CCSER2: variants seen among roughly 807,000 people sequenced by gnomAD.
CCSER2 encodes coiled-coil serine rich protein 2.
Under a neutral mutation model 92.3 loss-of-function variants are expected in CCSER2, and 46 were observed. The ratio of observed to expected loss-of-function variants is 0.50; its 90% CI spans 0.39 to 0.64. The LOEUF is 0.64. CCSER2 is among the 30% of genes least tolerant of loss of function. The pLI is 0.00. For missense variants in CCSER2, 1,244 were observed against 1,238.9 expected (o/e 1.00, Z -0.06); for synonymous variants, 433 against 431.4 (o/e 1.00, Z -0.04).
chr10:84,464,906 G>C (rs1342573798), intron 7 of CCSER2, among the ~76,000 whole-genome samples: 3 of 152,140 alleles, frequency 2.0e-5, no homozygotes, highest in African/African-American at 7.2e-5. Context: ...AGCATTATTT[G>C]CTCGTAGGTT....
At chr10:84,484,471 G>A (rs1847682521) in intron 9 of CCSER2, among the ~76,000 whole-genome samples, 1 of 145,868 alleles carries the variant, frequency 6.9e-6, no homozygotes, top group South Asian at 2.2e-4. Context: ...GAGAGACGTT[G>A]CATGCATGTG....
At chr10:84,363,711 AG>A (rs1248153143) in intron 1 of CCSER2, among the ~76,000 whole-genome samples, 1 of 152,224 alleles carries the variant, frequency 6.6e-6, no homozygotes, top group Non-Finnish European at 1.5e-5. Context: ...ATTAATATCT[AG>A]GTCCTTTGCA....
At chr10:84,408,031 A>G (rs746006831) in intron 3 of CCSER2, among the ~76,000 whole-genome samples, 11 of 152,168 alleles carry the variant, frequency 7.2e-5, no homozygotes, top group Admixed American at 3.9e-4. Context: ...AGGTTCCCAC[A>G]TGGCAGGCTG....
At chr10:84,456,655 C>T (rs1442234944) in intron 6 of CCSER2, among the ~76,000 whole-genome samples, 6 of 152,164 alleles carry the variant, frequency 3.9e-5, no homozygotes, top group African/African-American at 1.2e-4. Flanking sequence ...TTTTAAGAAA[C>T]TACCAAACTG....
chr10:84,455,681 T>TA, intron 6 of CCSER2: 1 of 730,340 alleles, frequency 1.4e-6, no homozygotes, highest in South Asian at 1.4e-5. Context: ...AGTCATGGAG[T>TA]AACTCCTCCC....
At chr10:84,402,086 C>T (rs1036856517) in intron 3 of CCSER2, among the ~76,000 whole-genome samples, 4 of 152,152 alleles carry the variant, frequency 2.6e-5, no homozygotes, top group Middle Eastern at 3.2e-3. Context: ...GCTTGTGCTC[C>T]GCATGTGGCC....
chr10:84,371,894 A>C lies in CCSER2; in HGVS notation c.842A>C (p.Asn281Thr), dbSNP rs755457843. The C allele has an allele frequency of 1.9e-6, 3 of 1,613,772 alleles. No individual in the cohort carries two copies. The highest frequency in any genetic ancestry group is 1.1e-5 in the South Asian group (1 of 91,076). Reference protein sequence around the residue: ...TRNSRQPEVLNGNEHLGYGFN... With the variant: ...TRNSRQPEVLTGNEHLGYGFN... ...AATTCCCGGCAGCCAGAAGTACTCAATGGGAATGAACATTTGGGGTATGGA... is the reference window on the plus strand; with the variant it reads ...AATTCCCGGCAGCCAGAAGTACTCACTGGGAATGAACATTTGGGGTATGGA... Residue 281 changes from asparagine (N) to threonine (T), a missense_variant, in exon 2 of 10, where the codon AAT becomes ACT. Transcript: ENST00000372088.
At chr10:84,479,605 G>C (rs991962505) in intron 9 of CCSER2, among the ~76,000 whole-genome samples, 1 of 152,136 alleles carries the variant, frequency 6.6e-6, no homozygotes, top group Non-Finnish European at 1.5e-5. Flanking sequence ...CTTCATGCCA[G>C]GCACTGTATT....
intron 3 of CCSER2, among the ~76,000 whole-genome samples, chr10:84,406,617 G>T: frequency 6.6e-6 from 1 of 152,138 alleles, no homozygotes; most frequent in Admixed American, 6.6e-5. Context: ...GCCTCTGGAA[G>T]CCAGAGAATA....
At chr10:84,443,913 G>A (rs1844742425) in intron 6 of CCSER2, among the ~76,000 whole-genome samples, 2 of 151,978 alleles carry the variant, frequency 1.3e-5, no homozygotes, top group African/African-American at 2.4e-5. Flanking sequence ...AACACTGCAT[G>A]TTCTTACTCA....
At position 84,371,894 on chromosome 10, in the gene CCSER2, A is replaced by G. The variant is rs755457843; in HGVS notation, c.842A>G (p.Asn281Ser). Residue 281 changes from asparagine (N) to serine (S), a missense_variant, in exon 2 of 10, where the codon AAT (asparagine) becomes AGT (serine). Transcript: ENST00000372088. ...AATTCCCGGCAGCCAGAAGTACTCA[A>G]TGGGAATGAACATTTGGGGTATGGA... ...TRNSRQPEVLNGNEHLGYGFN... is the reference protein window; with the variant it reads ...TRNSRQPEVLSGNEHLGYGFN... The G allele has an allele frequency of 2.1e-5, 34 of 1,613,772 alleles. No individual in the cohort carries two copies. The Middle Eastern group carries it at 9.9e-4, about 47-fold the overall frequency.
intron 3 of CCSER2, among the ~76,000 whole-genome samples, chr10:84,385,649 C>T (rs184035647): frequency 4.6e-4 from 70 of 152,122 alleles, no homozygotes; most frequent in African/African-American, 1.5e-3. Context: ...TATAAAAATC[C>T]GTGAAGAAAA....
chr10:84,443,315 C>T (rs141103214), intron 6 of CCSER2, among the ~76,000 whole-genome samples: 8,862 of 152,048 alleles, frequency 0.058, 369 homozygotes, highest in Admixed American at 0.1. Flanking sequence ...AAAAACAACC[C>T]CATCAAAAAG....
chr10:84,494,302 T>C (rs531607500), intron 9 of CCSER2, among the ~76,000 whole-genome samples: 60 of 152,326 alleles, frequency 3.9e-4, no homozygotes, highest in Admixed American at 1.4e-3. Flanking sequence ...TTATTATAAT[T>C]AGCATATAAT....
At chr10:84,357,902 G>A (rs977424868) in intron 1 of CCSER2, among the ~76,000 whole-genome samples, 1 of 152,174 alleles carries the variant, frequency 6.6e-6, no homozygotes, top group African/African-American at 2.4e-5. Flanking sequence ...GACAAATAAT[G>A]CTTCTATGGG....
chr10:84,424,237 A>T (rs1843309166), intron 4 of CCSER2, among the ~76,000 whole-genome samples: 1 of 151,866 alleles, frequency 6.6e-6, no homozygotes, highest in African/African-American at 2.4e-5. Context: ...TTTGGACATA[A>T]TGGTCACCAT....
chr10:84,431,658 C>G (rs1156759918), intron 5 of CCSER2, among the ~76,000 whole-genome samples: 1 of 152,072 alleles, frequency 6.6e-6, no homozygotes, highest in African/African-American at 2.4e-5. Context: ...GGGGGGATCA[C>G]TTGAGCCCAG....
At chr10:84,355,423 C>A (rs1469639450) in intron 1 of CCSER2, among the ~76,000 whole-genome samples, 1 of 152,086 alleles carries the variant, frequency 6.6e-6, no homozygotes, top group African/African-American at 2.4e-5. Flanking sequence ...TTTCTATTTA[C>A]CATTTATCTT....
chr10:84,463,950 A>G lies in CCSER2; in HGVS notation c.2082A>G (p.Ser694=), dbSNP rs779147124. The G allele has an allele frequency of 6.8e-6, 11 of 1,609,404 alleles. No homozygotes were observed. The change falls in exon 7 of 10, where the codon TCA becomes TCG. Residue 694 remains serine, a synonymous_variant. Transcript: ENST00000372088. ...RLLHQHDGSG[S]LHDIQLSLPS... ...TCTGACAGCATGATGGAAGTGGTTC[A>G]TTGCATGATATTCAACTGTCATTGC...
Sources: gnomAD v4.1 joint callset for allele counts (sites outside exome capture counted in the v4.1 genomes callset) on GRCh38, gnomAD v4.1.1 for gene constraint, MANE v1.5 for transcripts, NCBI Gene and HGNC (gene_info 2026-07-23, HGNC 2026-07-21) for gene names.